OR4D1: variants seen among roughly 807,000 people sequenced by gnomAD.
OR4D1 encodes olfactory receptor family 4 subfamily D member 1.
A neutral mutation model predicts 14.2 loss-of-function variants in OR4D1; 10 were observed. The observed-to-expected ratio is 0.71, with a 90% CI of 0.44 to 1.20. OR4D1 has a LOEUF of 1.20. Ranked by LOEUF, OR4D1 falls within the 50% of genes most tolerant of loss-of-function variation. The pLI is 0.00. For missense variants in OR4D1, 345 were observed against 376.6 expected, an observed-to-expected ratio of 0.92 and a Z score of 0.70; for synonymous variants, 141 against 147.4, an observed-to-expected ratio of 0.96 and a Z score of 0.32.
chr17:58,153,502 A>G (rs1075009), intron 2 of OR4D1, among the ~76,000 whole-genome samples: 81,884 of 152,086 alleles, frequency 0.54, 23,452 homozygotes, highest in East Asian at 0.84. Context: ...GAAATCCCTC[A>G]TAAGTTTTGA....
At position 58,158,571 on chromosome 17, in the gene OR4D1, A is replaced by G. The variant is rs1967809872; in HGVS notation, c.*2485A>G. The G allele has an allele frequency of 6.8e-6, 1 of 147,036 alleles. No individual in the cohort carries two copies. Among genetic ancestry groups the G allele is most frequent in the Non-Finnish European group, 1.5e-5 (1 of 66,934 alleles). 9.1% of individuals were successfully genotyped at this position (147,036 alleles called of 1,614,324 possible). On this transcript the variant is annotated 3_prime_UTR_variant, in exon 4 of 4. Transcript: ENST00000268912. ...CTGGAGGTGAGGTAGAAAATTAGAA[A>G]TACTTCCTAATTCTTCTCAAGGCTG... is the stretch of plus-strand genomic sequence containing the variant.
chr17:58,153,174 A>G (rs928297515), intron 2 of OR4D1, among the ~76,000 whole-genome samples: 9 of 152,156 alleles, frequency 5.9e-5, no homozygotes, highest in Admixed American at 3.9e-4. Flanking sequence ...TCAGAGACCA[A>G]AATGTGTTAC....
chr17:58,154,432 C>A (rs1479689269), intron 3 of OR4D1, among the ~76,000 whole-genome samples: 1 of 152,152 alleles, frequency 6.6e-6, no homozygotes, highest in Admixed American at 6.5e-5. Flanking sequence ...GGAGATAGTG[C>A]ATTTGTCCTG....
In OR4D1 at chr17:58,156,931, T is replaced by C. The variant is rs1020163888; in HGVS notation, c.*845T>C. 5 of 632,958 alleles carry C rather than the reference T, an allele frequency of 7.9e-6. No homozygotes were observed. In the Admixed American group the frequency reaches 1.2e-4, roughly 15 times the overall value. The allele number at this position is 632,958 out of a possible 1,614,324, so 39.2% of individuals were successfully genotyped here. A position where few individuals can be genotyped will look rare whatever the true frequency, so the allele number is the denominator to read the frequency against. Reference sequence around the variant, plus strand: ...TGGAATTTAGAAAGTTATCTCGCCCTCCCTCCTCCCCCACAAAAAAAGTTT... The same window carrying C: ...TGGAATTTAGAAAGTTATCTCGCCCCCCCTCCTCCCCCACAAAAAAAGTTT... On this transcript the variant is annotated 3_prime_UTR_variant, in exon 4 of 4. Transcript: ENST00000268912.
At chr17:58,151,825 T>C (rs1967707852) in intron 2 of OR4D1, among the ~76,000 whole-genome samples, 1 of 152,238 alleles carries the variant, frequency 6.6e-6, no homozygotes, top group East Asian at 1.9e-4. Context: ...TATAATAATG[T>C]GATGAATATC....
rs757629730 is a variant in OR4D1 at position 58,153,868 on chromosome 17, G to C, written c.-115G>C. Among the ~76,000 whole-genome samples, 35 of 152,192 alleles carry C rather than the reference G, an allele frequency of 2.3e-4. 1 individual carries two copies. The highest frequency in any genetic ancestry group is 1.3e-4 in the Non-Finnish European group (9 of 68,040). On this transcript the variant is annotated 5_prime_UTR_variant, in exon 3 of 4. Coordinates refer to ENST00000268912, the MANE Select transcript of OR4D1 (RefSeq NM_001386095.1). ...CTTTTTCTTTTTAGAGATAAGATCA[G>C]CTGGAGTGCAGTGGCCATAATAGCT...
intron 2 of OR4D1, among the ~76,000 whole-genome samples, chr17:58,151,089 G>T (rs2143656410): frequency 6.6e-6 from 1 of 151,900 alleles, no homozygotes; most frequent in Middle Eastern, 3.4e-3. Context: ...GTAACATTTT[G>T]GTTTTCCATG....
intron 2 of OR4D1, among the ~76,000 whole-genome samples, chr17:58,150,334 T>A (rs190469840): frequency 2.0e-5 from 3 of 152,342 alleles, no homozygotes; most frequent in Non-Finnish European, 1.5e-5. Flanking sequence ...GTATGTACTA[T>A]GTTGCACAGT....
rs908957803 is a variant in OR4D1, at chr17:58,157,136, C to T, written c.*1050C>T. ...GCCGCGTCAAGGTCTCCAGCCTGCC[C>T]TACAGTGTGGATGCGCTCGTGTCGG... On this transcript the variant is annotated 3_prime_UTR_variant, in exon 4 of 4. Coordinates refer to ENST00000268912, the MANE Select transcript of OR4D1 (RefSeq NM_001386095.1). The T allele has an allele frequency of 2.0e-6, 3 of 1,478,602 alleles. No homozygotes were observed. Among genetic ancestry groups the T allele is most frequent in the Non-Finnish European group, 1.8e-6 (2 of 1,109,980 alleles). 91.6% of individuals were successfully genotyped at this position (1,478,602 alleles called of 1,614,324 possible). A position where few individuals can be genotyped will look rare whatever the true frequency, so the allele number is the denominator to read the frequency against.
In OR4D1 at chr17:58,155,663, C is replaced by T. The variant is rs776981470; in HGVS notation, c.510C>T (p.Gly170=). The change falls in exon 4 of 4, where the codon GGC becomes GGT. Residue 170 remains glycine, a synonymous_variant. Coordinates refer to ENST00000268912, the MANE Select transcript of OR4D1 (RefSeq NM_001386095.1). ...TGATACTTCCACTGCCCTTCTGTGG[C>T]CCCAATATCCTAGATAACTTCTACT... is the stretch of plus-strand genomic sequence containing the variant. ...LALILPLPFC[G]PNILDNFYCD... is the part of the protein sequence containing the mutation. The T allele has an allele frequency of 8.1e-6, 13 of 1,614,006 alleles. No individual in the cohort carries two copies. In the African/African-American group the frequency reaches 1.6e-4, roughly 20 times the overall value.
Position 58,152,796 on chromosome 17 carries a change from A to T in OR4D1, c.-126-1061A>T, listed in dbSNP as rs937067981. 2.0e-5 allele frequency among the ~76,000 whole-genome samples: 3 copies of T among 152,094 alleles called. No individual in the cohort carries two copies. In the East Asian group the frequency reaches 5.8e-4, roughly 29 times the overall value. On this transcript the variant is annotated intron_variant, in intron 2 of 3. Coordinates refer to ENST00000268912, the MANE Select transcript of OR4D1 (RefSeq NM_001386095.1). ...TAAAAATACAAAAAAATAGCCAGGCATGGTGAAGTGTGCTTGTGGTCCCAG... is the reference window on the plus strand; with the variant it reads ...TAAAAATACAAAAAAATAGCCAGGCTTGGTGAAGTGTGCTTGTGGTCCCAG...
At chr17:58,149,218 G>T (rs191578716) in intron 1 of OR4D1, among the ~76,000 whole-genome samples, 1 of 152,232 alleles carries the variant, frequency 6.6e-6, no homozygotes, top group Non-Finnish European at 1.5e-5. Flanking sequence ...TTTCTTTCTT[G>T]TCTAGAATCC....
At position 58,157,975 on chromosome 17, in the gene OR4D1, C is replaced by T. The variant is rs2143665398; in HGVS notation, c.*1889C>T. The T allele has an allele frequency of 1.8e-6, 1 of 548,378 alleles. No homozygotes were observed. The highest frequency in any genetic ancestry group is 3.2e-6 in the Non-Finnish European group (1 of 310,688). 34.0% of individuals were successfully genotyped at this position (548,378 alleles called of 1,614,324 possible). A position where few individuals can be genotyped will look rare whatever the true frequency, so the allele number is the denominator to read the frequency against. ...ACACAGCTGAAGTTTGTTCTTTAGG[C>T]GGAGGCACCAAGCCTTGTTTTCTTG... On this transcript the variant is annotated 3_prime_UTR_variant, in exon 4 of 4. Transcript: ENST00000268912.
In OR4D1 at chr17:58,155,316, C is replaced by G; in HGVS notation, c.163C>G (p.Leu55Val). 6.2e-7 allele frequency: 1 copy of G among 1,613,784 alleles called. No individual in the cohort carries two copies. Among genetic ancestry groups the G allele is most frequent in the East Asian group, 2.2e-5 (1 of 44,874 alleles). Residue 55 changes from leucine to valine, a missense_variant, in exon 4 of 4, where the codon CTC (leucine) becomes GTC (valine). Transcript: ENST00000268912. ...IMVTVTFDCRLHTPMYFLLRN... is the reference protein window; with the variant it reads ...IMVTVTFDCRVHTPMYFLLRN... Reference sequence around the variant, plus strand: ...GGTCACAGTGACTTTTGACTGCCGGCTCCACACACCCATGTATTTTCTGCT... The same window carrying G: ...GGTCACAGTGACTTTTGACTGCCGGGTCCACACACCCATGTATTTTCTGCT...
intron 2 of OR4D1, among the ~76,000 whole-genome samples, chr17:58,151,340 T>C (rs1967700591): frequency 1.3e-5 from 2 of 152,184 alleles, no homozygotes; most frequent in African/African-American, 4.8e-5. Flanking sequence ...CCATGGTGGT[T>C]TGCTGCACAG....
At position 58,153,888 on chromosome 17, in the gene OR4D1, ATAGCTCACTGCAGCCTTGATCTCC is replaced by A. The variant is rs1967733338; in HGVS notation, c.-93_-70del. Among the ~76,000 whole-genome samples the A allele has an allele frequency of 6.6e-6, 1 of 152,180 alleles. No homozygotes were observed. Among genetic ancestry groups the A allele is most frequent in the Admixed American group, 6.5e-5 (1 of 15,282 alleles). On this transcript the variant is annotated 5_prime_UTR_variant, in exon 3 of 4. The change creates a new upstream start codon in the 5' untranslated region. Transcript: ENST00000268912. ...GATCAGCTGGAGTGCAGTGGCCATA[ATAGCTCACTGCAGCCTTGATCTCC>A]TGGGCTCAAGCAATCCTTCCACCTC... is the stretch of plus-strand genomic sequence containing the variant.
rs567116763 is a variant in OR4D1, at chr17:58,149,785, A to G, written c.-138A>G. On this transcript the variant is annotated 5_prime_UTR_variant, in exon 2 of 4. Transcript: ENST00000268912. ...AGTTTGGCTGAAGCTGAATCTTCTT[A>G]GAGGAGAGCAGGTAAGAGGAGAATA... The G allele has an allele frequency of 6.6e-6, 1 of 152,396 alleles. No individual in the cohort carries two copies. The highest frequency in any genetic ancestry group is 6.5e-5 in the Admixed American group (1 of 15,310). 9.4% of individuals were successfully genotyped at this position (152,396 alleles called of 1,614,324 possible).
Position 58,155,662 on chromosome 17 carries a change from G to T in OR4D1, c.509G>T (p.Gly170Val). 1 of 1,614,072 alleles carries T rather than the reference G, an allele frequency of 6.2e-7. No homozygotes were observed. Among genetic ancestry groups the T allele is most frequent in the Non-Finnish European group, 8.5e-7 (1 of 1,180,008 alleles). The change falls in exon 4 of 4, where the codon GGC becomes GTC. Residue 170 changes from glycine (G) to valine (V), a missense_variant. Gly to Val is a moderately radical substitution (Grantham distance 109). Coordinates refer to ENST00000268912, the MANE Select transcript of OR4D1 (RefSeq NM_001386095.1). Reference sequence around the variant, plus strand: ...CTGATACTTCCACTGCCCTTCTGTGGCCCCAATATCCTAGATAACTTCTAC... The same window carrying T: ...CTGATACTTCCACTGCCCTTCTGTGTCCCCAATATCCTAGATAACTTCTAC... The part of the protein sequence containing the change: ...LALILPLPFC[G>V]PNILDNFYCD...
intron 1 of OR4D1, among the ~76,000 whole-genome samples, chr17:58,149,084 C>G (rs984701524): frequency 1.3e-5 from 2 of 152,198 alleles, no homozygotes; most frequent in African/African-American, 4.8e-5. Context: ...CTCGTCTCTC[C>G]TAGTCCTGTG....
Sources: allele counts gnomAD v4.1 joint callset (sites outside exome capture counted in the v4.1 genomes callset), GRCh38; gene constraint gnomAD v4.1.1; transcripts MANE v1.5; gene names NCBI Gene and HGNC (gene_info 2026-07-23, HGNC 2026-07-21).